CTNNBL1: variants seen among roughly 807,000 people sequenced by gnomAD.
CTNNBL1 encodes the protein beta-catenin-like protein 1.
A neutral mutation model predicts 72.7 loss-of-function variants in CTNNBL1; 31 were observed. The ratio of observed to expected loss-of-function variants is 0.43; its 90% confidence interval spans 0.32 to 0.58. The LOEUF (loss-of-function observed/expected upper bound fraction) is 0.58. Ranked by LOEUF, CTNNBL1 falls within the 20% of genes least tolerant of loss-of-function variation. CTNNBL1 has a pLI of 0.08. For missense variants in CTNNBL1, 534 were observed against 725.1 expected (o/e 0.74, Z 3.03); for synonymous variants, 240 against 267.3 (o/e 0.90, Z 1.00).
At chr20:37,759,263 T>G (rs946581339) in intron 5 of CTNNBL1, among the ~76,000 whole-genome samples, 2 of 152,190 alleles carry the variant, frequency 1.3e-5, no homozygotes. Context: ...ACTGTGGCAC[T>G]TGCTCCTACT....
chr20:37,715,551 A>G (rs1049287975), intron 1 of CTNNBL1, among the ~76,000 whole-genome samples: 2 of 152,196 alleles, frequency 1.3e-5, no homozygotes, highest in Admixed American at 6.5e-5. Context: ...TGAGATTTAT[A>G]TCTGACTTTG....
At chr20:37,860,962 G>A (rs1457302753) in intron 15 of CTNNBL1, among the ~76,000 whole-genome samples, 1 of 152,188 alleles carries the variant, frequency 6.6e-6, no homozygotes, top group Admixed American at 6.5e-5. Context: ...AGTGTACATA[G>A]GTTTCAGTAC....
intron 7 of CTNNBL1, 85 bp downstream of exon 7, chr20:37,768,129 T>G (rs758986051): frequency 6.8e-5 from 75 of 1,106,944 alleles, no homozygotes; most frequent in Non-Finnish European, 9.7e-5. Context: ...TAGACTGTTA[T>G]GCTGGGCCAT....
chr20:37,740,538 C>T (rs1283668944), intron 3 of CTNNBL1, among the ~76,000 whole-genome samples: 1 of 152,150 alleles, frequency 6.6e-6, no homozygotes, highest in Non-Finnish European at 1.5e-5. Context: ...TGTGCTGTTT[C>T]CCTAGAAAGT....
chr20:37,746,396 G>C, intron 3 of CTNNBL1, 72 bp from the exon 4 acceptor site: 2 of 1,535,880 alleles, frequency 1.3e-6, no homozygotes, highest in Non-Finnish European at 1.8e-6. Flanking sequence ...TTGTTGTCTA[G>C]ATTGTTGCTG....
At chr20:37,695,103 A>T (rs1391844273) in intron 1 of CTNNBL1, 1 of 152,226 alleles carries the variant, frequency 6.6e-6, no homozygotes, top group African/African-American at 2.4e-5. Context: ...TGATTACATG[A>T]TCGTACTGAT....
At chr20:37,855,335 A>G (rs2072430622) in intron 13 of CTNNBL1, among the ~76,000 whole-genome samples, 1 of 152,182 alleles carries the variant, frequency 6.6e-6, no homozygotes, top group Non-Finnish European at 1.5e-5. Context: ...GACTTAGTCC[A>G]GCCTTCTTCT....
chr20:37,787,952 A>G (rs968317850), intron 10 of CTNNBL1, among the ~76,000 whole-genome samples: 1 of 151,832 alleles, frequency 6.6e-6, no homozygotes, highest in Non-Finnish European at 1.5e-5. Flanking sequence ...TCATCCTCCT[A>G]CTGCCATCTC....
chr20:37,868,650 G>A (rs1243166824), intron 15 of CTNNBL1, among the ~76,000 whole-genome samples: 1 of 152,204 alleles, frequency 6.6e-6, no homozygotes. Flanking sequence ...CAGGAGACTT[G>A]CGCATAGGAT....
At chr20:37,866,283 C>T (rs537073107) in intron 15 of CTNNBL1, among the ~76,000 whole-genome samples, 1 of 152,344 alleles carries the variant, frequency 6.6e-6, no homozygotes, top group African/African-American at 2.4e-5. Flanking sequence ...TCTCGGGAAG[C>T]GCTGCCCGGG....
chr20:37,757,672 T>C lies in CTNNBL1; in HGVS notation c.564+16T>C, dbSNP rs375469128. ...CGATGCTCTGGTAAGTTGCACATCC[T>C]CTGGGGTTTTGCAGGTTTGTATAAG... On this transcript the variant is annotated intron_variant, in intron 5 of 15. Coordinates refer to ENST00000361383, the MANE Select transcript of CTNNBL1 (RefSeq NM_030877.5). The C allele has an allele frequency of 1.9e-6, 3 of 1,594,590 alleles. No individual in the cohort carries two copies. Among genetic ancestry groups the C allele is most frequent in the Admixed American group, 3.4e-5 (2 of 59,594 alleles).
chr20:37,754,874 C>A (rs1338213590), intron 4 of CTNNBL1, among the ~76,000 whole-genome samples: 1 of 151,710 alleles, frequency 6.6e-6, no homozygotes, highest in East Asian at 1.9e-4. Flanking sequence ...GTGGCACAAT[C>A]TCAGCTCATT....
At chr20:37,765,341 G>A in intron 6 of CTNNBL1, 51 bp downstream of exon 6, 1 of 1,200,070 alleles carries the variant, frequency 8.3e-7, no homozygotes, top group Non-Finnish European at 1.2e-6. Context: ...GTTTGTTTTG[G>A]GACTCTGTGC....
At chr20:37,784,908 C>T (rs1256870768) in intron 10 of CTNNBL1, among the ~76,000 whole-genome samples, 1 of 152,100 alleles carries the variant, frequency 6.6e-6, no homozygotes, top group Non-Finnish European at 1.5e-5. Context: ...TTTAGCATTT[C>T]TTGTAGGATG....
chr20:37,827,408 G>A (rs1373286768), intron 11 of CTNNBL1, among the ~76,000 whole-genome samples: 3 of 152,158 alleles, frequency 2.0e-5, no homozygotes, highest in Admixed American at 2.0e-4. Flanking sequence ...TGAACTGAGA[G>A]AGGACCTTAT....
At chr20:37,810,849 T>C (rs1259201800) in intron 11 of CTNNBL1, among the ~76,000 whole-genome samples, 1 of 152,234 alleles carries the variant, frequency 6.6e-6, no homozygotes, top group Non-Finnish European at 1.5e-5. Context: ...CCTGGTTCTG[T>C]CATTTACCAG....
intron 13 of CTNNBL1, among the ~76,000 whole-genome samples, chr20:37,849,654 C>T (rs1018241664): frequency 3.3e-5 from 5 of 152,204 alleles, no homozygotes; most frequent in Admixed American, 6.5e-5. Flanking sequence ...TTCTGCTTAG[C>T]GTTTCCCTGA....
In CTNNBL1 at chr20:37,860,086, C is replaced by T. The variant is rs375221156; in HGVS notation, c.1530+50C>T. The T allele has an allele frequency of 1.1e-4, 180 of 1,579,926 alleles. No individual in the cohort carries two copies. In the African/African-American group the frequency reaches 1.9e-3, roughly 16 times the overall value. ...GCTTATCCATCCCTGCCTCCTTCCT[C>T]GCCAGCTGCTTAGGTGGACTCTCAC... On this transcript the variant is annotated intron_variant, in intron 14 of 15. Coordinates refer to ENST00000361383, the MANE Select transcript of CTNNBL1 (RefSeq NM_030877.5).
At chr20:37,846,623 T>C (rs1415745836) in intron 13 of CTNNBL1, among the ~76,000 whole-genome samples, 1 of 152,072 alleles carries the variant, frequency 6.6e-6, no homozygotes, top group Non-Finnish European at 1.5e-5. Flanking sequence ...TGTGTCCCCC[T>C]GCCCCGCCCC....
Sources: gnomAD v4.1 joint callset for allele counts (sites outside exome capture counted in the v4.1 genomes callset) on GRCh38, gnomAD v4.1.1 for gene constraint, MANE v1.5 for transcripts, NCBI Gene and HGNC (gene_info 2026-07-23, HGNC 2026-07-21) for gene names.